The following CLEC4C variants were observed in gnomAD, a reference collection of about 807,000 sequenced individuals.
CLEC4C encodes the protein C-type lectin domain family 4 member C.
A neutral mutation model predicts 27.7 loss-of-function variants in CLEC4C; 17 were observed. The observed-to-expected ratio is 0.61, with a 90% CI of 0.42 to 0.92. CLEC4C has a LOEUF of 0.92. CLEC4C is among the 40% of genes least tolerant of loss of function. The pLI is 0.00. For synonymous variants in CLEC4C, 80 were observed against 80.8 expected (o/e 0.99, Z 0.06); for missense variants, 244 against 257.3 (o/e 0.95, Z 0.35).
chr12:7,741,999 C>T (rs778893201), intron 2 of CLEC4C, among the ~76,000 whole-genome samples: 101 of 148,580 alleles, frequency 6.8e-4, no homozygotes, highest in East Asian at 5.2e-3. Flanking sequence ...CCAGCCTGGA[C>T]GACAGAGCAA....
At chr12:7,739,555 G>A (rs759821785) in intron 3 of CLEC4C, among the ~76,000 whole-genome samples, 1 of 152,250 alleles carries the variant, frequency 6.6e-6, no homozygotes, top group East Asian at 1.9e-4. Flanking sequence ...CCTGATCCTG[G>A]ACACAGCCGA....
chr12:7,743,897 A>G (rs1338563167), intron 2 of CLEC4C, among the ~76,000 whole-genome samples: 1 of 152,214 alleles, frequency 6.6e-6, no homozygotes, highest in African/African-American at 2.4e-5. Flanking sequence ...CTGTACAGTA[A>G]GTATGGTGCC....
chr12:7,741,166 T>C (rs1405752651), intron 3 of CLEC4C, among the ~76,000 whole-genome samples: 2 of 152,072 alleles, frequency 1.3e-5, no homozygotes, highest in Non-Finnish European at 2.9e-5. Flanking sequence ...TTTCTCCGCA[T>C]GTTGGTCAGG....
chr12:7,735,506 G>GAA (rs74982387), intron 4 of CLEC4C, among the ~76,000 whole-genome samples: 24,894 of 80,230 alleles, frequency 0.31, 3,338 homozygotes, highest in Admixed American at 0.38. Context: ...CTGTCTCAAA[G>GAA]AAAAAAAAAA....
At chr12:7,737,319 CAGA>C in intron 4 of CLEC4C, 107 bp downstream of exon 4, 4 of 960,376 alleles carry the variant, frequency 4.2e-6, no homozygotes, top group Non-Finnish European at 5.8e-6. Flanking sequence ...TTTTTTTACC[CAGA>C]AGTTTTTTTT....
Position 7,737,547 on chromosome 12 carries a change from G to T in CLEC4C, c.263C>A (p.Thr88Asn). ...AAAGTAGCAACTAGACTGAAATGAA[G>T]TCCAAGGGGTTGGGCAGCAGCTCCA... ...EDWSCCPTPW[T>N]SFQSSCYFIS... The change falls in exon 4 of 6, where the codon ACT becomes AAT. Residue 88 changes from threonine (T) to asparagine (N), a missense_variant. Thr to Asn is a moderately conservative substitution (Grantham distance 65, BLOSUM62 0). Transcript: ENST00000360345. 1.2e-6 allele frequency: 2 copies of T among 1,613,854 alleles called. No individual in the cohort carries two copies. Among genetic ancestry groups the T allele is most frequent in the Non-Finnish European group, 1.7e-6 (2 of 1,179,950 alleles).
chr12:7,732,219 G>A (rs1057476484), intron 4 of CLEC4C, among the ~76,000 whole-genome samples: 3 of 152,048 alleles, frequency 2.0e-5, no homozygotes, highest in African/African-American at 7.2e-5. Context: ...TAGTAGAGAC[G>A]GGGTTTCACC....
At chr12:7,733,882 ATTTTG>A (rs1373304660) in intron 4 of CLEC4C, among the ~76,000 whole-genome samples, 1 of 150,932 alleles carries the variant, frequency 6.6e-6, no homozygotes, top group Non-Finnish European at 1.5e-5. Flanking sequence ...GCCGTCATAT[ATTTTG>A]TTTTGTTTTA....
At position 7,737,492 on chromosome 12, in the gene CLEC4C, C is replaced by A. The variant is rs953189667; in HGVS notation, c.318G>T (p.Lys106Asn). 3 of 1,613,870 alleles carry A rather than the reference C, an allele frequency of 1.9e-6. No homozygotes were observed. The African/African-American group carries it at 4.0e-5, about 22-fold the overall frequency. Reference sequence around the variant, plus strand: ...CCATCACAGAACAGTTCTTTTGACTCTTAGTCCAAGATTGCATCCCAGTAG... The same window carrying A: ...CCATCACAGAACAGTTCTTTTGACTATTAGTCCAAGATTGCATCCCAGTAG... ...FISTGMQSWT[K>N]SQKNCSVMGA... Residue 106 changes from lysine (K) to asparagine (N), a missense_variant, in exon 4 of 6, where the codon AAG becomes AAT. By Grantham distance (94) the Lys-to-Asn change is moderately conservative. Coordinates refer to ENST00000360345, the MANE Select transcript of CLEC4C (RefSeq NM_001371390.1).
In CLEC4C at chr12:7,729,406, G is replaced by GAATGAATA. The variant is rs3834934; in HGVS notation, c.*182_*189dup. 0.12 allele frequency: 62,643 copies of GAATGAATA among 535,726 alleles called. 4,542 individuals are homozygous for GAATGAATA. The highest frequency in any genetic ancestry group is 0.25 in the African/African-American group (12,677 of 51,138). The allele number at this position is 535,726 out of a possible 1,614,324, so 33.2% of individuals were successfully genotyped here. ...AATGTTCACTAAACACTCATTTTAT[G>GAATGAATA]AATGAATAAATGAATAAATGAATAA... On this transcript the variant is annotated 3_prime_UTR_variant, in exon 6 of 6. Transcript: ENST00000360345.
intron 4 of CLEC4C, among the ~76,000 whole-genome samples, chr12:7,736,903 AAAATAAAT>A (rs533526930): frequency 2.6e-5 from 4 of 151,734 alleles, no homozygotes; most frequent in African/African-American, 7.3e-5. Context: ...ACTCCGTCTC[AAAATAAAT>A]AAATAAATAA....
intron 5 of CLEC4C, 117 bp from the exon 6 acceptor site, chr12:7,729,857 C>T (rs1319586798): frequency 1.2e-6 from 1 of 848,078 alleles, no homozygotes; most frequent in Non-Finnish European, 1.8e-6. Context: ...ACCCAAACCA[C>T]CTTCTCACTT....
chr12:7,730,684 T>A, intron 5 of CLEC4C, 113 bp downstream of exon 5: 1 of 559,782 alleles, frequency 1.8e-6, no homozygotes, highest in Non-Finnish European at 3.3e-6. Context: ...CAAATAGACC[T>A]AGGTTTTAAA....
At chr12:7,738,938 A>T (rs1286478004) in intron 3 of CLEC4C, among the ~76,000 whole-genome samples, 4 of 148,884 alleles carry the variant, frequency 2.7e-5, no homozygotes, top group Non-Finnish European at 4.5e-5. Context: ...TGTTAGGTAT[A>T]TCTCCTAATG....
chr12:7,741,783 C>T (rs12426933), intron 2 of CLEC4C, among the ~76,000 whole-genome samples: 36,383 of 151,862 alleles, frequency 0.24, 4,908 homozygotes, highest in Admixed American at 0.32. Flanking sequence ...GTAATCCCAG[C>T]GCTTTGGGAG....
At chr12:7,730,141 C>T (rs1246786190) in intron 5 of CLEC4C, among the ~76,000 whole-genome samples, 1 of 152,072 alleles carries the variant, frequency 6.6e-6, no homozygotes, top group Non-Finnish European at 1.5e-5. Flanking sequence ...GTTCTATGCA[C>T]TGCTTTTGGA....
intron 2 of CLEC4C, among the ~76,000 whole-genome samples, chr12:7,745,378 A>C (rs1247563775): frequency 1.4e-5 from 2 of 147,710 alleles, no homozygotes; most frequent in East Asian, 4.0e-4. Context: ...CAGCCTCCAG[A>C]ACCATCAGAA....
At chr12:7,741,568 T>C in intron 2 of CLEC4C, 37 bp from the exon 3 acceptor site, 2 of 1,095,512 alleles carry the variant, frequency 1.8e-6, no homozygotes, top group Non-Finnish European at 2.8e-6. Context: ...CTCATTCTTT[T>C]AAGTGGATCT....
chr12:7,741,274 C>CT, intron 3 of CLEC4C, 147 bp downstream of exon 3: 1 of 583,068 alleles, frequency 1.7e-6, no homozygotes, highest in Non-Finnish European at 3.1e-6. Flanking sequence ...CCTGAGGTGT[C>CT]TATTTAAGAT....
Sources: gnomAD v4.1 joint callset for allele counts (sites outside exome capture counted in the v4.1 genomes callset) on GRCh38, gnomAD v4.1.1 for gene constraint, MANE v1.5 for transcripts, NCBI Gene and HGNC (gene_info 2026-07-23, HGNC 2026-07-21) for gene names.